The following LIMD1 variants were observed in gnomAD, a reference collection of about 807,000 sequenced individuals.
LIMD1 encodes LIM domain-containing protein 1.
In LIMD1, 23 loss-of-function variants were observed where a neutral mutation model predicts 58.4. That is an observed-to-expected ratio of 0.39 (90% CI 0.28 to 0.56). The LOEUF (loss-of-function observed/expected upper bound fraction) is 0.56. Ranked by LOEUF, LIMD1 falls within the 20% of genes least tolerant of loss-of-function variation. The probability of loss-of-function intolerance (pLI) is 0.57; values close to 1 mark genes in which losing one functional copy is unlikely to be tolerated. For synonymous variants in LIMD1, 334 were observed against 345.5 expected (o/e 0.97, Z 0.37); for missense variants, 838 against 855.5 (o/e 0.98, Z 0.25).
intron 2 of LIMD1, among the ~76,000 whole-genome samples, chr3:45,649,766 T>A (rs886464918): frequency 6.9e-6 from 1 of 145,780 alleles, no homozygotes; most frequent in African/African-American, 2.5e-5. Context: ...ATTTTATATA[T>A]ATAATTATAT....
intron 2 of LIMD1, among the ~76,000 whole-genome samples, chr3:45,637,199 T>C (rs1175204741): frequency 1.3e-5 from 2 of 152,078 alleles, no homozygotes; most frequent in East Asian, 3.9e-4. Flanking sequence ...TAGGATTAGC[T>C]AGGAACCTCA....
At chr3:45,610,237 GAGCAGAT>G (rs1191985561) in intron 1 of LIMD1, among the ~76,000 whole-genome samples, 3 of 152,144 alleles carry the variant, frequency 2.0e-5, no homozygotes, top group Non-Finnish European at 2.9e-5. Flanking sequence ...CAGATGTGGG[GAGCAGAT>G]ACTCCCTGAC....
chr3:45,619,837 C>G (rs969816323), intron 1 of LIMD1, among the ~76,000 whole-genome samples: 27 of 139,190 alleles, frequency 1.9e-4, no homozygotes, highest in African/African-American at 6.6e-4. Flanking sequence ...CGCCCCCCCC[C>G]CCAAAAAAAG....
chr3:45,671,218 A>G (rs1575367735), intron 4 of LIMD1, among the ~76,000 whole-genome samples: 1 of 152,220 alleles, frequency 6.6e-6, no homozygotes, highest in African/African-American at 2.4e-5. Flanking sequence ...TTGAAAGCTG[A>G]GCATTCAGAG....
At chr3:45,607,025 C>T (rs933569026) in intron 1 of LIMD1, among the ~76,000 whole-genome samples, 1 of 152,148 alleles carries the variant, frequency 6.6e-6, no homozygotes, top group African/African-American at 2.4e-5. Context: ...AACTCCTGAC[C>T]TCAAGTGATC....
chr3:45,684,682 C>T lies in LIMD1; in HGVS notation c.*7623C>T, dbSNP rs1697788862. On this transcript the variant is annotated 3_prime_UTR_variant, in exon 8 of 8. Coordinates refer to ENST00000273317, the MANE Select transcript of LIMD1 (RefSeq NM_014240.3). ...TTGGTTTGACCAGGTGTGCCATTTA[C>T]ATAGCCCTCGAAGAAACTGGCCATT... 6.6e-6 allele frequency: 1 copy of T among 152,228 alleles called. No homozygotes were observed. Among genetic ancestry groups the T allele is most frequent in the African/African-American group, 2.4e-5 (1 of 41,442 alleles). The allele number at this position is 152,228 out of a possible 1,614,324, so 9.4% of individuals were successfully genotyped here.
At chr3:45,642,754 A>G (rs1453730863) in intron 2 of LIMD1, among the ~76,000 whole-genome samples, 1 of 152,238 alleles carries the variant, frequency 6.6e-6, no homozygotes. Context: ...ATCTTCGTGC[A>G]GCATCTTTCT....
intron 1 of LIMD1, among the ~76,000 whole-genome samples, chr3:45,622,702 G>C (rs1701638368): frequency 6.8e-6 from 1 of 147,532 alleles, no homozygotes; most frequent in Admixed American, 6.8e-5. Flanking sequence ...AGAGTCTCAT[G>C]CTGTCACCCA....
intron 1 of LIMD1, among the ~76,000 whole-genome samples, chr3:45,611,177 G>A (rs1169289532): frequency 1.3e-5 from 2 of 152,196 alleles, no homozygotes; most frequent in African/African-American, 2.4e-5. Flanking sequence ...AAGCCCAATC[G>A]ATTTGTTCAG....
chr3:45,677,135 G>GT lies in LIMD1; in HGVS notation c.*77dup. On this transcript the variant is annotated 3_prime_UTR_variant, in exon 8 of 8. Coordinates refer to ENST00000273317, the MANE Select transcript of LIMD1 (RefSeq NM_014240.3). ...GCTGCTGCTTCCGGTGGCCCCTGGG[G>GT]TGGAAGTGGGGTAGGGGAAGAGGAG... is the stretch of plus-strand genomic sequence containing the variant. The GT allele has an allele frequency of 6.5e-7, 1 of 1,543,084 alleles. No homozygotes were observed. The highest frequency in any genetic ancestry group is 1.1e-5 in the South Asian group (1 of 87,168).
chr3:45,611,846 C>A (rs112656097), intron 1 of LIMD1, among the ~76,000 whole-genome samples: 4 of 152,300 alleles, frequency 2.6e-5, no homozygotes, highest in Non-Finnish European at 4.4e-5. Context: ...GCTGGCAGCC[C>A]CTCCTCTACC....
At chr3:45,598,705 G>C (rs972041668) in intron 1 of LIMD1, among the ~76,000 whole-genome samples, 1 of 152,190 alleles carries the variant, frequency 6.6e-6, no homozygotes, top group Admixed American at 6.5e-5. Context: ...GCTGGGGGTG[G>C]CAGAGAGATT....
rs572944366 is a variant in LIMD1, at chr3:45,680,934, T to G, written c.*3875T>G. ...TTGAGGCAGGAGAATCGCTTGAACC[T>G]GGGAGGCAGAGGTTGCAGTGAGCCG... On this transcript the variant is annotated 3_prime_UTR_variant, in exon 8 of 8. Transcript: ENST00000273317. 306 of 139,904 alleles carry G rather than the reference T, an allele frequency of 2.2e-3. 2 individuals are homozygous for G. Among genetic ancestry groups the G allele is most frequent in the Non-Finnish European group, 2.7e-3 (171 of 63,404 alleles). The allele number at this position is 139,904 out of a possible 1,614,324, so 8.7% of individuals were successfully genotyped here.
At chr3:45,640,215 G>C (rs1203881108) in intron 2 of LIMD1, among the ~76,000 whole-genome samples, 1 of 152,150 alleles carries the variant, frequency 6.6e-6, no homozygotes, top group African/African-American at 2.4e-5. Context: ...TCCTATTCCA[G>C]TCAAACTGAA....
At chr3:45,623,068 C>G (rs1436211526) in intron 1 of LIMD1, among the ~76,000 whole-genome samples, 1 of 152,170 alleles carries the variant, frequency 6.6e-6, no homozygotes, top group Non-Finnish European at 1.5e-5. Flanking sequence ...TTCTCTACAC[C>G]TCGGTGACAC....
intron 1 of LIMD1, among the ~76,000 whole-genome samples, chr3:45,635,546 T>G (rs376964969): frequency 6.6e-6 from 1 of 151,512 alleles, no homozygotes; most frequent in African/African-American, 2.4e-5. Flanking sequence ...TTTGTAAAAA[T>G]TGAGGTTACT....
intron 1 of LIMD1, among the ~76,000 whole-genome samples, chr3:45,635,243 A>C (rs1201643385): frequency 6.6e-6 from 1 of 152,128 alleles, no homozygotes; most frequent in Non-Finnish European, 1.5e-5. Context: ...GTCTCAAAAA[A>C]AAGTTCTCTC....
At chr3:45,646,758 C>T (rs1389390101) in intron 2 of LIMD1, among the ~76,000 whole-genome samples, 1 of 149,736 alleles carries the variant, frequency 6.7e-6, no homozygotes, top group Non-Finnish European at 1.5e-5. Flanking sequence ...TGCATTATGG[C>T]TCACTGCAAC....
At chr3:45,604,083 G>C (rs1222313662) in intron 1 of LIMD1, among the ~76,000 whole-genome samples, 1 of 152,222 alleles carries the variant, frequency 6.6e-6, no homozygotes, top group African/African-American at 2.4e-5. Context: ...TAAAAACTTG[G>C]AAAATGTAAA....
Sources: gnomAD v4.1 joint callset for allele counts (sites outside exome capture counted in the v4.1 genomes callset) on GRCh38, gnomAD v4.1.1 for gene constraint, MANE v1.5 for transcripts, NCBI Gene and HGNC (gene_info 2026-07-23, HGNC 2026-07-21) for gene names.